Variants in PRPH2 observed in about 807,000 individuals in gnomAD.
The protein encoded by PRPH2 is peripherin-2.
PRPH2 carries 17 observed loss-of-function variants against 31.3 expected under a neutral mutation model. That is an observed-to-expected ratio of 0.54 (90% CI 0.37 to 0.81). PRPH2 has a LOEUF of 0.81. Among genes scored for constraint, PRPH2 ranks in the 40% least tolerant of loss-of-function variants. The pLI is 0.00. For synonymous variants in PRPH2, 165 were observed against 184.4 expected, an observed-to-expected ratio of 0.89 and a Z score of 0.85; for missense variants, 430 against 439.7, an observed-to-expected ratio of 0.98 and a Z score of 0.20.
At chr6:42,706,975 CTTTTT>C (rs34162811) in intron 1 of PRPH2, among the ~76,000 whole-genome samples, 1 of 123,636 alleles carries the variant, frequency 8.1e-6, no homozygotes, top group Non-Finnish European at 1.6e-5. Context: ...TCTTGGAGAT[CTTTTT>C]TTTTTTTTTT....
intron 1 of PRPH2, among the ~76,000 whole-genome samples, chr6:42,718,243 G>A (rs1182034237): frequency 1.3e-5 from 2 of 151,718 alleles, no homozygotes; most frequent in Non-Finnish European, 2.9e-5. Flanking sequence ...CCTGGGAGGT[G>A]GGAGTTGCAG....
At chr6:42,715,813 A>G (rs1384340225) in intron 1 of PRPH2, among the ~76,000 whole-genome samples, 1 of 152,142 alleles carries the variant, frequency 6.6e-6, no homozygotes, top group Admixed American at 6.6e-5. Context: ...AAATCTCCAA[A>G]ACCTGCCCGC....
At chr6:42,709,259 G>C (rs532295192) in intron 1 of PRPH2, among the ~76,000 whole-genome samples, 48 of 150,914 alleles carry the variant, frequency 3.2e-4, no homozygotes, top group Admixed American at 1.5e-3. Context: ...GAACCAGGGA[G>C]GTGGAGATTG....
Position 42,698,425 on chromosome 6 carries a change from T to TC in PRPH2, c.910_911insG (p.Gln304ArgfsTer88), listed in dbSNP as rs761108586. On this transcript the variant is annotated frameshift_variant, in exon 3 of 3. Transcript: ENST00000230381. LOFTEE classifies it high-confidence loss of function. Reference sequence around the variant, plus strand: ...CACGCTCCTCTCCAGCAGCCAGCCCTGGCTCTCGCTCTCAGATTCCTCGGG... The same window carrying TC: ...CACGCTCCTCTCCAGCAGCCAGCCCTCGGCTCTCGCTCTCAGATTCCTCGGG... The TC allele has an allele frequency of 2.2e-5, 36 of 1,611,956 alleles. No homozygotes were observed. The highest frequency in any genetic ancestry group is 2.9e-5 in the Non-Finnish European group (34 of 1,178,418).
chr6:42,719,758 GGGGTTTCTCCGTGTTGGTCA>G (rs1554270605), intron 1 of PRPH2, among the ~76,000 whole-genome samples: 1 of 151,298 alleles, frequency 6.6e-6, no homozygotes, highest in Non-Finnish European at 1.5e-5. Flanking sequence ...TAGTAGAGAC[GGGGTTTCTCCGTGTTGGTCA>G]GGCTGGTCTC....
At chr6:42,701,903 G>A (rs974190785) in intron 2 of PRPH2, among the ~76,000 whole-genome samples, 2 of 151,762 alleles carry the variant, frequency 1.3e-5, no homozygotes, top group Non-Finnish European at 2.9e-5. Flanking sequence ...AGGAGTCAGC[G>A]ACCAATAAAT....
chr6:42,715,405 T>A (rs1761757680), intron 1 of PRPH2, among the ~76,000 whole-genome samples: 2 of 151,936 alleles, frequency 1.3e-5, no homozygotes, highest in African/African-American at 4.8e-5. Context: ...GTGCAGTGGC[T>A]CACACCTGTA....
chr6:42,703,332 C>T (rs189505641), intron 2 of PRPH2, among the ~76,000 whole-genome samples: 2 of 152,288 alleles, frequency 1.3e-5, no homozygotes, highest in East Asian at 1.9e-4. Flanking sequence ...AGAAACTGAG[C>T]GTTGCAGATA....
At chr6:42,706,361 C>T (rs1317136880) in intron 1 of PRPH2, among the ~76,000 whole-genome samples, 1 of 151,268 alleles carries the variant, frequency 6.6e-6, no homozygotes, top group Non-Finnish European at 1.5e-5. Context: ...GCCGAGATCA[C>T]GCCATTGTAC....
rs1761911122 is a variant in PRPH2 at position 42,721,943 on chromosome 6, C to T, written c.392G>A (p.Gly131Asp). 6.2e-7 allele frequency: 1 copy of T among 1,614,062 alleles called. No homozygotes were observed. Among genetic ancestry groups the T allele is most frequent in the Non-Finnish European group, 8.5e-7 (1 of 1,180,020 alleles). Reference protein sequence around the residue: ...LLRGSLENTLGQGLKNGMKYY... With the variant: ...LLRGSLENTLDQGLKNGMKYY... ...CTTCATGCCGTTCTTGAGCCCTTGG[C>T]CCAGGGTGTTCTCCAGCGAGCCCCG... Residue 131 changes from glycine to aspartate, a missense_variant, in exon 1 of 3, where the codon GGC becomes GAC. Physicochemically the swap from Gly to Asp is moderately conservative, Grantham distance 94. Coordinates refer to ENST00000230381, the MANE Select transcript of PRPH2 (RefSeq NM_000322.5).
At chr6:42,711,917 T>C (rs2152007500) in intron 1 of PRPH2, 1 of 985,392 alleles carries the variant, frequency 1.0e-6, no homozygotes, top group Middle Eastern at 5.2e-4. Flanking sequence ...CCCAAGACAC[T>C]GCAGCTCTGC....
chr6:42,704,649 G>T, intron 1 of PRPH2, 38 bp from the exon 2 acceptor site: 1 of 1,614,064 alleles, frequency 6.2e-7, no homozygotes. Flanking sequence ...GGGCTTCCCG[G>T]GCTTCTCAAC....
At chr6:42,712,979 C>G (rs1452277696) in intron 1 of PRPH2, among the ~76,000 whole-genome samples, 1 of 151,844 alleles carries the variant, frequency 6.6e-6, no homozygotes, top group Admixed American at 6.6e-5. Context: ...AATCCCAGCA[C>G]TTTGGGAGGC....
At chr6:42,706,929 T>C (rs1283720911) in intron 1 of PRPH2, among the ~76,000 whole-genome samples, 1 of 151,810 alleles carries the variant, frequency 6.6e-6, no homozygotes, top group East Asian at 1.9e-4. Flanking sequence ...ATTATATACA[T>C]ACTGTCTTGA....
At chr6:42,711,939 C>A in intron 1 of PRPH2, 1 of 985,410 alleles carries the variant, frequency 1.0e-6, no homozygotes, top group Non-Finnish European at 1.2e-6. Context: ...CATCCTGCAA[C>A]CTTTAAAAGA....
At chr6:42,701,002 T>G (rs1283254486) in intron 2 of PRPH2, among the ~76,000 whole-genome samples, 1 of 134,466 alleles carries the variant, frequency 7.4e-6, no homozygotes, top group Non-Finnish European at 1.6e-5. Flanking sequence ...TTTTTTTTTT[T>G]GGAGATAGAG....
chr6:42,705,137 G>A (rs1055444653), intron 1 of PRPH2, among the ~76,000 whole-genome samples: 1 of 152,160 alleles, frequency 6.6e-6, no homozygotes, highest in African/African-American at 2.4e-5. Context: ...CCTTGCCCTC[G>A]GAGGACTCCA....
chr6:42,721,381 C>T (rs1761899179), intron 1 of PRPH2, among the ~76,000 whole-genome samples: 1 of 152,130 alleles, frequency 6.6e-6, no homozygotes, highest in South Asian at 2.1e-4. Flanking sequence ...GACAAATAGC[C>T]AAATAGTACC....
chr6:42,698,654 A>G lies in PRPH2; in HGVS notation c.829-147T>C, dbSNP rs1401150398. 1.2e-5 allele frequency: 14 copies of G among 1,142,372 alleles called. No homozygotes were observed. In the African/African-American group the frequency reaches 2.1e-4, roughly 17 times the overall value. The allele number at this position is 1,142,372 out of a possible 1,614,324, so 70.8% of individuals were successfully genotyped here. On this transcript the variant is annotated intron_variant, in intron 2 of 2. Transcript: ENST00000230381. ...GTGTGGGTTGGTGACAGCCTGCCCC[A>G]CGCTGCCCTGTCCTCAGTGCTCAAC...
Sources: gnomAD v4.1 joint callset for allele counts (sites outside exome capture counted in the v4.1 genomes callset) on GRCh38, gnomAD v4.1.1 for gene constraint, MANE v1.5 for transcripts, NCBI Gene and HGNC (gene_info 2026-07-23, HGNC 2026-07-21) for gene names.